The following PARD3 variants were observed in gnomAD, a reference collection of about 807,000 sequenced individuals.
PARD3 encodes par-3 family cell polarity regulator.
Under a neutral mutation model 155.4 loss-of-function variants are expected in PARD3, and 75 were observed. The ratio of observed to expected loss-of-function variants is 0.48; its 90% CI spans 0.40 to 0.58. PARD3 has a LOEUF of 0.58. Among genes scored for constraint, PARD3 ranks in the 20% least tolerant of loss-of-function variants. The probability of loss-of-function intolerance (pLI) is 0.00; values close to 1 mark genes in which losing one functional copy is unlikely to be tolerated. For synonymous variants in PARD3, 576 were observed against 610.5 expected, an observed-to-expected ratio of 0.94 and a Z score of 0.83; for missense variants, 1,642 against 1,721.7, an observed-to-expected ratio of 0.95 and a Z score of 0.82.
intron 1 of PARD3, among the ~76,000 whole-genome samples, chr10:34,733,314 T>C (rs960544926): frequency 6.6e-6 from 1 of 152,188 alleles, no homozygotes; most frequent in Non-Finnish European, 1.5e-5. Flanking sequence ...TAGAATGTGT[T>C]GAAAGTCCCT....
In PARD3 at chr10:34,110,675, T is replaced by C. The variant is rs979757320; in HGVS notation, c.*494A>G. On this transcript the variant is annotated 3_prime_UTR_variant, in exon 25 of 25. Transcript: ENST00000374788. Reference sequence around the variant, plus strand: ...AGAGAAAACCACAGTGATGACAAAGTACGACAAATGGCTGTGCTGTGAAGT... The same window carrying C: ...AGAGAAAACCACAGTGATGACAAAGCACGACAAATGGCTGTGCTGTGAAGT... 6.6e-6 allele frequency: 1 copy of C among 152,520 alleles called. No individual in the cohort carries two copies. The highest frequency in any genetic ancestry group is 2.4e-5 in the African/African-American group (1 of 41,456). The allele number at this position is 152,520 out of a possible 1,614,324, so 9.4% of individuals were successfully genotyped here. A position where few individuals can be genotyped will look rare whatever the true frequency, so the allele number is the denominator to read the frequency against.
At chr10:34,572,590 G>A (rs551640011) in intron 2 of PARD3, among the ~76,000 whole-genome samples, 23 of 149,878 alleles carry the variant, frequency 1.5e-4, no homozygotes, top group Middle Eastern at 3.4e-3. Context: ...GCGGTAAGCC[G>A]AGATCATATC....
chr10:34,809,208 G>T (rs892925614), intron 1 of PARD3, among the ~76,000 whole-genome samples: 19 of 152,192 alleles, frequency 1.2e-4, no homozygotes, highest in Non-Finnish European at 2.6e-4. Flanking sequence ...CCTCTCAGCA[G>T]AAGTGTATTT....
At chr10:34,649,045 G>A (rs1360133744) in intron 2 of PARD3, among the ~76,000 whole-genome samples, 3 of 152,130 alleles carry the variant, frequency 2.0e-5, no homozygotes, top group Non-Finnish European at 2.9e-5. Context: ...TGGATTTATA[G>A]CCCCAAAAGT....
At chr10:34,417,458 A>G (rs1275494626) in intron 5 of PARD3, among the ~76,000 whole-genome samples, 1 of 152,156 alleles carries the variant, frequency 6.6e-6, no homozygotes, top group Non-Finnish European at 1.5e-5. Context: ...CCCTTCACCT[A>G]TGAACCACCA....
intron 2 of PARD3, among the ~76,000 whole-genome samples, chr10:34,671,986 G>GC (rs111395862): frequency 0.01 from 1,522 of 152,038 alleles, 26 homozygotes; most frequent in African/African-American, 0.035. Context: ...ATCAGCCTGG[G>GC]CAACATAGGG....
At chr10:34,719,412 T>G (rs1033394491) in intron 1 of PARD3, among the ~76,000 whole-genome samples, 2 of 152,224 alleles carry the variant, frequency 1.3e-5, no homozygotes, top group Non-Finnish European at 2.9e-5. Flanking sequence ...AAATCCCTTC[T>G]CATCCCTCCA....
At chr10:34,518,819 T>C (rs2081948340) in intron 2 of PARD3, among the ~76,000 whole-genome samples, 1 of 152,176 alleles carries the variant, frequency 6.6e-6, no homozygotes, top group Non-Finnish European at 1.5e-5. Flanking sequence ...ACAGGATATT[T>C]GCATAGCTCA....
chr10:34,199,663 G>T (rs184235735), intron 22 of PARD3, among the ~76,000 whole-genome samples: 98 of 152,270 alleles, frequency 6.4e-4, no homozygotes, highest in Non-Finnish European at 1.5e-4. Flanking sequence ...TAAAAAAATA[G>T]GAGTATCAAA....
At chr10:34,193,924 G>A (rs1950826679) in intron 22 of PARD3, among the ~76,000 whole-genome samples, 1 of 152,132 alleles carries the variant, frequency 6.6e-6, no homozygotes, top group African/African-American at 2.4e-5. Context: ...CTCCTCCTGT[G>A]ACCCTGGGCA....
chr10:34,431,987 A>G (rs1202989915), intron 5 of PARD3, among the ~76,000 whole-genome samples: 3 of 127,884 alleles, frequency 2.3e-5, no homozygotes, highest in East Asian at 5.4e-4. Flanking sequence ...GCTTGCAGTG[A>G]GCCGAGATCA....
At chr10:34,369,185 A>G (rs964038680) in intron 12 of PARD3, among the ~76,000 whole-genome samples, 2 of 152,168 alleles carry the variant, frequency 1.3e-5, no homozygotes, top group Non-Finnish European at 2.9e-5. Flanking sequence ...TCACCAACTA[A>G]GTCAAGCTTG....
chr10:34,546,853 A>G (rs892444444), intron 2 of PARD3, among the ~76,000 whole-genome samples: 9 of 152,206 alleles, frequency 5.9e-5, no homozygotes, highest in African/African-American at 2.2e-4. Flanking sequence ...GCACATTAGA[A>G]TTTAGGACCA....
At chr10:34,628,498 A>G (rs73269413) in intron 2 of PARD3, among the ~76,000 whole-genome samples, 7,277 of 152,326 alleles carry the variant, frequency 0.048, 541 homozygotes, top group African/African-American at 0.16. Flanking sequence ...AGAATCGCCA[A>G]TGCTCAATGC....
chr10:34,508,970 A>G (rs1167700060), intron 3 of PARD3, among the ~76,000 whole-genome samples: 2 of 152,194 alleles, frequency 1.3e-5, no homozygotes, highest in Non-Finnish European at 2.9e-5. Flanking sequence ...GCAGGTACTC[A>G]AAGAGGCGAC....
At chr10:34,560,806 A>C (rs1397508631) in intron 2 of PARD3, among the ~76,000 whole-genome samples, 1 of 152,142 alleles carries the variant, frequency 6.6e-6, no homozygotes, top group Non-Finnish European at 1.5e-5. Flanking sequence ...AATTATGATC[A>C]CGTTTTCATG....
At chr10:34,568,057 T>C (rs923605820) in intron 2 of PARD3, among the ~76,000 whole-genome samples, 10 of 152,214 alleles carry the variant, frequency 6.6e-5, no homozygotes, top group Non-Finnish European at 1.0e-4. Context: ...TCCTGTGGGG[T>C]AATCGAATAT....
intron 22 of PARD3, among the ~76,000 whole-genome samples, chr10:34,258,674 A>G (rs1018087216): frequency 1.3e-5 from 2 of 152,202 alleles, no homozygotes; most frequent in African/African-American, 4.8e-5. Context: ...AGAAAAACAC[A>G]TAGGAAATAG....
At chr10:34,303,279 T>G (rs1031696889) in intron 20 of PARD3, among the ~76,000 whole-genome samples, 1 of 151,910 alleles carries the variant, frequency 6.6e-6, no homozygotes, top group African/African-American at 2.4e-5. Flanking sequence ...AACTGGCTAT[T>G]GCTACGGCCT....
Sources: allele counts gnomAD v4.1 joint callset (sites outside exome capture counted in the v4.1 genomes callset), GRCh38; gene constraint gnomAD v4.1.1; transcripts MANE v1.5; gene names NCBI Gene and HGNC (gene_info 2026-07-23, HGNC 2026-07-21).